TUBGCP4: variants seen among roughly 807,000 people sequenced by gnomAD.
TUBGCP4 encodes gamma-tubulin complex component 4.
A neutral mutation model predicts 91.6 loss-of-function variants in TUBGCP4; 54 were observed. The ratio of observed to expected loss-of-function variants is 0.59; its 90% CI spans 0.47 to 0.74. The LOEUF is 0.74. TUBGCP4 is among the 30% of genes least tolerant of loss of function. TUBGCP4 has a pLI of 0.00. For missense variants in TUBGCP4, 593 were observed against 800.9 expected (o/e 0.74, Z 3.13); for synonymous variants, 297 against 302.8 (o/e 0.98, Z 0.20).
At chr15:43,379,191 G>A (rs1438169360) in intron 5 of TUBGCP4, among the ~76,000 whole-genome samples, 1 of 152,224 alleles carries the variant, frequency 6.6e-6, no homozygotes, top group East Asian at 1.9e-4. Flanking sequence ...GAGATTGATT[G>A]CAGACAGGCA....
chr15:43,376,687 C>T, intron 3 of TUBGCP4, 62 bp downstream of exon 3: 1 of 1,603,068 alleles, frequency 6.2e-7, no homozygotes, highest in Non-Finnish European at 8.5e-7. Flanking sequence ...GTTCTTGAAT[C>T]TGAAATGCCC....
intron 9 of TUBGCP4, chr15:43,394,793 A>G: frequency 2.7e-6 from 1 of 374,856 alleles, no homozygotes; most frequent in Non-Finnish European, 5.0e-6. Context: ...GCCATGTGAG[A>G]CGCCTTTGCC....
At chr15:43,389,636 C>T (rs780788101) in intron 9 of TUBGCP4, among the ~76,000 whole-genome samples, 1 of 152,144 alleles carries the variant, frequency 6.6e-6, no homozygotes, top group Non-Finnish European at 1.5e-5. Context: ...GATACTGATT[C>T]TTCCTGAGAT....
At position 43,409,112 on chromosome 15, in the gene TUBGCP4, C is replaced by CA; in HGVS notation, c.*3899dup. 1 of 1,613,452 alleles carries CA rather than the reference C, an allele frequency of 6.2e-7. No individual in the cohort carries two copies. The highest frequency in any genetic ancestry group is 8.5e-7 in the Non-Finnish European group (1 of 1,179,484). On this transcript the variant is annotated 3_prime_UTR_variant, in exon 18 of 18. Transcript: ENST00000564079. ...CTGTGTTACACTGCAAGAAAAGAAG[C>CA]AGAGCCAATGGGTTTGGTGACTTCT...
intron 9 of TUBGCP4, among the ~76,000 whole-genome samples, chr15:43,388,829 G>T (rs1234664258): frequency 2.6e-5 from 4 of 152,180 alleles, no homozygotes; most frequent in Non-Finnish European, 5.9e-5. Context: ...ATGAAAAGCT[G>T]TGCCCTGAAG....
At chr15:43,372,935 A>G (rs1035518449) in intron 1 of TUBGCP4, among the ~76,000 whole-genome samples, 1 of 152,134 alleles carries the variant, frequency 6.6e-6, no homozygotes, top group African/African-American at 2.4e-5. Context: ...TCATTCATCT[A>G]CCCAGAGCAC....
At chr15:43,381,791 T>C (rs144697788) in intron 6 of TUBGCP4, among the ~76,000 whole-genome samples, 1 of 152,258 alleles carries the variant, frequency 6.6e-6, no homozygotes, top group African/African-American at 2.4e-5. Context: ...TCACCATTTG[T>C]TAACATTTGC....
intron 1 of TUBGCP4, among the ~76,000 whole-genome samples, chr15:43,372,935 A>C (rs1035518449): frequency 1.5e-4 from 23 of 152,134 alleles, no homozygotes; most frequent in African/African-American, 5.6e-4. Context: ...TCATTCATCT[A>C]CCCAGAGCAC....
intron 15 of TUBGCP4, chr15:43,402,082 CCAA>C (rs1276522179): frequency 2.7e-6 from 1 of 367,930 alleles, no homozygotes; most frequent in Non-Finnish European, 4.9e-6. Context: ...ACCAGCCTGG[CCAA>C]CATGGTGAAA....
In TUBGCP4 at chr15:43,408,969, T is replaced by A; in HGVS notation, c.*3755T>A. The A allele has an allele frequency of 6.2e-7, 1 of 1,614,166 alleles. No homozygotes were observed. Among genetic ancestry groups the A allele is most frequent in the Non-Finnish European group, 8.5e-7 (1 of 1,180,024 alleles). ...ATAATTACGGTAGTTCTGGAGCTGGTTGGCATGGCAACTATCATGGACCCA... is the reference window on the plus strand; with the variant it reads ...ATAATTACGGTAGTTCTGGAGCTGGATGGCATGGCAACTATCATGGACCCA... On this transcript the variant is annotated 3_prime_UTR_variant, in exon 18 of 18. Coordinates refer to ENST00000564079, the MANE Select transcript of TUBGCP4 (RefSeq NM_014444.5).
rs745694160 is a variant in TUBGCP4, at chr15:43,407,452, G to A, written c.*2238G>A. 5 of 1,614,114 alleles carry A rather than the reference G, an allele frequency of 3.1e-6. No homozygotes were observed. The South Asian group carries it at 4.4e-5, about 14-fold the overall frequency. On this transcript the variant is annotated 3_prime_UTR_variant, in exon 18 of 18. Transcript: ENST00000564079. Reference sequence around the variant, plus strand: ...ATCCAATTCTCTCCCCAACAATGAGGCACTGGATCACCCACTCTTGTGACA... The same window carrying A: ...ATCCAATTCTCTCCCCAACAATGAGACACTGGATCACCCACTCTTGTGACA...
At chr15:43,383,034 T>A (rs1397299815) in intron 6 of TUBGCP4, among the ~76,000 whole-genome samples, 1 of 152,170 alleles carries the variant, frequency 6.6e-6, no homozygotes, top group African/African-American at 2.4e-5. Context: ...TTAGGACCCA[T>A]CAGTTTTGAA....
chr15:43,371,927 G>A (rs1254835151), intron 1 of TUBGCP4, among the ~76,000 whole-genome samples: 2 of 152,072 alleles, frequency 1.3e-5, no homozygotes, highest in Non-Finnish European at 2.9e-5. Flanking sequence ...ACTTGGTAGG[G>A]GGCCTTTGTG....
chr15:43,403,459 G>A (rs2044742958), intron 15 of TUBGCP4: 2 of 471,802 alleles, frequency 4.2e-6, no homozygotes, highest in Admixed American at 3.6e-5. Context: ...TTGGTGCAGG[G>A]CTAAGAGAGT....
chr15:43,407,609 T>G lies in TUBGCP4; in HGVS notation c.*2395T>G. On this transcript the variant is annotated 3_prime_UTR_variant, in exon 18 of 18. Transcript: ENST00000564079. Reference sequence around the variant, plus strand: ...GGGAAAGTGAAGAAGGAAAGGACACTCAACTTAGCCCTCCATTAGAAAGAG... The same window carrying G: ...GGGAAAGTGAAGAAGGAAAGGACACGCAACTTAGCCCTCCATTAGAAAGAG... 2 of 1,569,594 alleles carry G rather than the reference T, an allele frequency of 1.3e-6. No homozygotes were observed. The highest frequency in any genetic ancestry group is 1.7e-6 in the Non-Finnish European group (2 of 1,149,472).
chr15:43,398,213 G>T, intron 13 of TUBGCP4, 34 bp downstream of exon 13: 1 of 1,594,416 alleles, frequency 6.3e-7, no homozygotes, highest in South Asian at 1.1e-5. Flanking sequence ...AGGTAAATAT[G>T]ACCCACCTTA....
rs750192705 is a variant in TUBGCP4, at chr15:43,380,158, G to A, written c.516G>A (p.Leu172=). The part of the protein sequence containing the change: ...CGGLPPVRSA[L]EKILAVCHGV... The stretch of plus-strand genomic sequence containing the variant: ...GGTTGCCTCCTGTTCGAAGTGCACT[G>A]GAAAAGTAAGTCATGGCTTAACTGG... Residue 172 remains leucine (L), a synonymous_variant, in exon 6 of 18, where the codon CTG becomes CTA. Transcript: ENST00000564079. The A allele has an allele frequency of 6.2e-7, 1 of 1,613,854 alleles. No individual in the cohort carries two copies. The highest frequency in any genetic ancestry group is 8.5e-7 in the Non-Finnish European group (1 of 1,179,774).
chr15:43,403,535 G>T (rs1297343952), intron 15 of TUBGCP4, 148 bp from the exon 16 acceptor site: 8 of 612,750 alleles, frequency 1.3e-5, no homozygotes, highest in Admixed American at 1.2e-4. Flanking sequence ...GGGGCTGGCA[G>T]GCCTTGCACG....
rs545303945 is a variant in TUBGCP4 at position 43,402,293 on chromosome 15, A to G, written c.1731+443A>G. The G allele has an allele frequency of 3.0e-3, 448 of 151,206 alleles. 5 individuals carry two copies. Among genetic ancestry groups the G allele is most frequent in the Middle Eastern group, 0.028 (8 of 290 alleles). 9.4% of individuals were successfully genotyped at this position (151,206 alleles called of 1,614,324 possible). On this transcript the variant is annotated intron_variant, in intron 15 of 17. Transcript: ENST00000564079. ...AGATTCTGTCTTGGGGGAGCAGATA[A>G]AAAAAAAAAGAATGTGTAAAGCAAA...
Sources: allele counts gnomAD v4.1 joint callset (sites outside exome capture counted in the v4.1 genomes callset), GRCh38; gene constraint gnomAD v4.1.1; transcripts MANE v1.5; gene names NCBI Gene and HGNC (gene_info 2026-07-23, HGNC 2026-07-21).